Variants in SOX6 observed in about 807,000 individuals in gnomAD.
SOX6 encodes the protein transcription factor SOX-6.
A neutral mutation model predicts 97.8 loss-of-function variants in SOX6; 11 were observed. The observed-to-expected ratio is 0.11, with a 90% CI of 0.07 to 0.19. The LOEUF (loss-of-function observed/expected upper bound fraction) is 0.19, where lower values mean the gene tolerates loss of function less well. SOX6 is among the 10% of genes least tolerant of loss of function. The probability of loss-of-function intolerance (pLI) is 1.00; values close to 1 mark genes in which losing one functional copy is unlikely to be tolerated. For missense variants in SOX6, 810 were observed against 1,039.5 expected (o/e 0.78, Z 3.04); for synonymous variants, 360 against 371.4 (o/e 0.97, Z 0.35).
intron 4 of SOX6, among the ~76,000 whole-genome samples, chr11:16,532,755 T>C (rs1001090848): frequency 2.0e-5 from 3 of 151,880 alleles, no homozygotes; most frequent in African/African-American, 7.2e-5. Context: ...TTCAAAAATA[T>C]CCTAAATATC....
intron 3 of SOX6, among the ~76,000 whole-genome samples, chr11:16,701,252 G>T (rs551354668): frequency 6.6e-6 from 1 of 152,110 alleles, no homozygotes; most frequent in Non-Finnish European, 1.5e-5. Context: ...TCTTTGCTTT[G>T]CCACTTAGTA....
At chr11:16,354,240 T>C (rs1485691182) in intron 1 of SOX6, among the ~76,000 whole-genome samples, 2 of 152,012 alleles carry the variant, frequency 1.3e-5, no homozygotes, top group Non-Finnish European at 2.9e-5. Flanking sequence ...TATGTGCAAA[T>C]ACCTGGTATT....
chr11:16,198,299 C>T (rs1336733126), intron 4 of SOX6, among the ~76,000 whole-genome samples: 1 of 145,282 alleles, frequency 6.9e-6, no homozygotes. Context: ...TGGGCTCAAA[C>T]TCCTGGCCTC....
At chr11:15,994,993 G>A (rs2119838861) in intron 13 of SOX6, among the ~76,000 whole-genome samples, 2 of 152,232 alleles carry the variant, frequency 1.3e-5, no homozygotes, top group South Asian at 4.1e-4. Context: ...GACGCTTTCT[G>A]GTCTTCATAG....
At chr11:16,313,149 G>C (rs372720208) in intron 3 of SOX6, 3 of 152,138 alleles carry the variant, frequency 2.0e-5, no homozygotes, top group African/African-American at 4.8e-5. Context: ...GCTCAGGAGA[G>C]GGCATTTCTT....
chr11:16,407,633 T>A (rs1345276653), intron 1 of SOX6, among the ~76,000 whole-genome samples: 1 of 152,084 alleles, frequency 6.6e-6, no homozygotes, highest in Non-Finnish European at 1.5e-5. Flanking sequence ...GGAAATACTA[T>A]CCTATAGCAC....
chr11:16,077,004 C>T (rs1848371476), intron 9 of SOX6, among the ~76,000 whole-genome samples: 1 of 151,862 alleles, frequency 6.6e-6, no homozygotes, highest in Admixed American at 6.6e-5. Context: ...CCACCCGCCT[C>T]GGCCTCCCAA....
At position 16,046,655 on chromosome 11, in the gene SOX6, A is replaced by G. The variant is rs1007972716; in HGVS notation, c.1482T>C (p.Asp494=). The change falls in exon 12 of 16, where the codon GAT becomes GAC. Residue 494 remains aspartate, a synonymous_variant. Coordinates refer to ENST00000683767, the MANE Select transcript of SOX6 (RefSeq NM_001367873.1). The part of the protein sequence containing the change: ...LNSPALFGDQ[D]TVMKAIQEAR... ...CCTCCTGAATGGCTTTCATCACTGT[A>G]TCCTGATCCCCAAAAAGGGCAGGGG... 1.9e-6 allele frequency: 3 copies of G among 1,613,564 alleles called. No homozygotes were observed. The African/African-American group carries it at 4.0e-5, about 22-fold the overall frequency.
At chr11:16,695,105 G>A (rs1848043958) in intron 3 of SOX6, among the ~76,000 whole-genome samples, 2 of 152,276 alleles carry the variant, frequency 1.3e-5, no homozygotes, top group South Asian at 4.1e-4. Flanking sequence ...AGGGATGACT[G>A]TAGTTCCCCA....
intron 9 of SOX6, among the ~76,000 whole-genome samples, chr11:16,057,970 T>G (rs1847859630): frequency 6.6e-6 from 1 of 152,110 alleles, no homozygotes; most frequent in African/African-American, 2.4e-5. Flanking sequence ...TATGTCCTTC[T>G]GTTGACTTTT....
chr11:16,565,618 T>TA lies in SOX6; in HGVS notation n.609+46462_609+46463insT, dbSNP rs1847861879. 2.7e-4 allele frequency among the ~76,000 whole-genome samples: 38 copies of TA among 142,782 alleles called. 17 individuals carry two copies. The highest frequency in any genetic ancestry group is 4.4e-4 in the South Asian group (2 of 4,530). 93.7% of individuals were successfully genotyped at this position (142,782 alleles called of 152,430 possible). A position where few individuals can be genotyped will look rare whatever the true frequency, so the allele number is the denominator to read the frequency against. Reference sequence around the variant, plus strand: ...GACAGACAAAAATAATTTTAAAGCATGGCACATGTATACATATGTAACTAA... The same window carrying TA: ...GACAGACAAAAATAATTTTAAAGCATAGGCACATGTATACATATGTAACTAA... On this transcript the variant is annotated intron_variant and non_coding_transcript_variant, in intron 4 of 5. Coordinates refer to the SOX6 transcript ENST00000524520.
At chr11:16,583,603 G>GTATATATATATATATATATATATATA (rs1848051876) in intron 4 of SOX6, among the ~76,000 whole-genome samples, 1 of 22,672 alleles carries the variant, frequency 4.4e-5, no homozygotes, top group Non-Finnish European at 8.1e-5. Flanking sequence ...GTATATATGT[G>GTATATATATATATATATATATATATA]TATATATATA....
At chr11:16,541,123 G>C (rs1861401654) in intron 4 of SOX6, among the ~76,000 whole-genome samples, 1 of 152,024 alleles carries the variant, frequency 6.6e-6, no homozygotes, top group Admixed American at 6.6e-5. Flanking sequence ...CCAAAACAGA[G>C]ATATAGATCA....
intron 12 of SOX6, among the ~76,000 whole-genome samples, chr11:16,039,440 A>G (rs1251594885): frequency 6.6e-6 from 1 of 152,126 alleles, no homozygotes; most frequent in Non-Finnish European, 1.5e-5. Flanking sequence ...AATAGCATAT[A>G]TTCAAAGTAT....
intron 6 of SOX6, among the ~76,000 whole-genome samples, chr11:16,165,843 AGCCAAGATGGC>A (rs1850874233): frequency 6.6e-6 from 1 of 151,850 alleles, no homozygotes; most frequent in African/African-American, 2.4e-5. Flanking sequence ...GGTTGCAGTG[AGCCAAGATGGC>A]GCCACTGCAC....
At chr11:16,726,967 T>C (rs1363951288) in intron 2 of SOX6, among the ~76,000 whole-genome samples, 1 of 152,250 alleles carries the variant, frequency 6.6e-6, no homozygotes, top group African/African-American at 2.4e-5. Flanking sequence ...TATTTTTGTG[T>C]GAGTCTGCTT....
At chr11:16,596,566 C>T (rs146621389) in intron 4 of SOX6, among the ~76,000 whole-genome samples, 49 of 152,320 alleles carry the variant, frequency 3.2e-4, no homozygotes, top group South Asian at 2.7e-3. Flanking sequence ...AGATCAAAGG[C>T]CATCTCCTAC....
intron 9 of SOX6, among the ~76,000 whole-genome samples, chr11:16,061,590 A>T (rs1847957156): frequency 6.6e-6 from 1 of 151,882 alleles, no homozygotes; most frequent in Non-Finnish European, 1.5e-5. Flanking sequence ...AGTCAAGGCA[A>T]TCCTAAGCAA....
At chr11:16,116,436 T>G (rs1849349511) in intron 6 of SOX6, among the ~76,000 whole-genome samples, 1 of 151,980 alleles carries the variant, frequency 6.6e-6, no homozygotes, top group South Asian at 2.1e-4. Flanking sequence ...GTTCATACTT[T>G]TAATATCATA....
Sources: gnomAD v4.1 joint callset for allele counts (sites outside exome capture counted in the v4.1 genomes callset) on GRCh38, gnomAD v4.1.1 for gene constraint, MANE v1.5 for transcripts, NCBI Gene and HGNC (gene_info 2026-07-23, HGNC 2026-07-21) for gene names.